The following NKIRAS1 variants were observed in gnomAD, a reference collection of about 807,000 sequenced individuals.
NKIRAS1 encodes the protein NF-kappa-B inhibitor-interacting Ras-like protein 1.
In NKIRAS1, 16 loss-of-function variants were observed where a neutral mutation model predicts 19.8. The observed-to-expected ratio is 0.81, with a 90% CI of 0.55 to 1.23. The LOEUF (loss-of-function observed/expected upper bound fraction) is 1.23. Ranked by LOEUF, NKIRAS1 falls within the 50% of genes most tolerant of loss-of-function variation. The pLI is 0.00. For missense variants in NKIRAS1, 184 were observed against 220.0 expected, an observed-to-expected ratio of 0.84 and a Z score of 1.04; for synonymous variants, 88 against 79.0, an observed-to-expected ratio of 1.11 and a Z score of -0.61.
At chr3:23,900,284 G>C (rs112732163) in intron 4 of NKIRAS1, among the ~76,000 whole-genome samples, 1 of 152,188 alleles carries the variant, frequency 6.6e-6, no homozygotes, top group South Asian at 2.1e-4. Flanking sequence ...GCAAAAGGCA[G>C]AAAGTCAAAT....
In NKIRAS1 at chr3:23,893,024, A is replaced by C; in HGVS notation, c.*71T>G. On this transcript the variant is annotated 3_prime_UTR_variant, in exon 5 of 5. Coordinates refer to ENST00000425478, the MANE Select transcript of NKIRAS1 (RefSeq NM_020345.4). ...TACAAATGGCCTATTTTAAATAGTA[A>C]TATTACTCCATGTTCACAGACACTT... 1 of 1,453,898 alleles carries C rather than the reference A, an allele frequency of 6.9e-7. No homozygotes were observed. The highest frequency in any genetic ancestry group is 9.1e-7 in the Non-Finnish European group (1 of 1,093,646). The allele number at this position is 1,453,898 out of a possible 1,614,324, so 90.1% of individuals were successfully genotyped here. A position where few individuals can be genotyped will look rare whatever the true frequency, so the allele number is the denominator to read the frequency against.
rs1705235912 is a variant in NKIRAS1, at chr3:23,927,846, A to T, written c.-139-16396T>A. ...GTAATCCTAGAAATTTGGGAGGCCA[A>T]AGTGGGAGGACTGCTTGAGCCCAGG... On this transcript the variant is annotated intron_variant, in intron 1 of 4. Transcript: ENST00000421515. This position sits in a 1 kb window ranked among gnomAD's most constrained non-coding sequence, Gnocchi z 4.0. Among the ~76,000 whole-genome samples, 2 of 152,162 alleles carry T rather than the reference A, an allele frequency of 1.3e-5. No homozygotes were observed. Among genetic ancestry groups the T allele is most frequent in the African/African-American group, 4.8e-5 (2 of 41,414 alleles).
Position 23,890,125 on chromosome 3 carries a change from C to T in NKIRAS1, c.*2970G>A, listed in dbSNP as rs910548178. On this transcript the variant is annotated 3_prime_UTR_variant, in exon 5 of 5. Transcript: ENST00000425478. ...TTCACAGTATTCACAATGCCGTTAACTGGTGACATTGAGCTAAGGGTCACA... is the reference window on the plus strand; with the variant it reads ...TTCACAGTATTCACAATGCCGTTAATTGGTGACATTGAGCTAAGGGTCACA... Among the ~76,000 whole-genome samples, 9 of 152,178 alleles carry T rather than the reference C, an allele frequency of 5.9e-5. No homozygotes were observed. The highest frequency in any genetic ancestry group is 2.0e-4 in the Admixed American group (3 of 15,280).
intron 1 of NKIRAS1, chr3:23,923,135 G>A (rs901413261): frequency 2.6e-5 from 4 of 151,832 alleles, no homozygotes; most frequent in African/African-American, 9.7e-5. Context: ...TCTTCCCCAA[G>A]TGGTAGGATA....
At chr3:23,946,146 C>T (rs1314929559) in intron 1 of NKIRAS1, 1 of 985,090 alleles carries the variant, frequency 1.0e-6, no homozygotes, top group Admixed American at 6.1e-5. Context: ...GGGTTGCACA[C>T]TGCGGAGGAG....
chr3:23,921,128 TAAA>T (rs147620648), upstream of NKIRAS1, among the ~76,000 whole-genome samples: 1 of 151,948 alleles, frequency 6.6e-6, no homozygotes, highest in Non-Finnish European at 1.5e-5. Flanking sequence ...TAGTGAGACC[TAAA>T]AACAAAAAAA....
At chr3:23,918,041 C>A, upstream of NKIRAS1, 2 of 1,603,466 alleles carry the variant, frequency 1.2e-6, no homozygotes, top group African/African-American at 1.3e-5. Flanking sequence ...GGTACGTGAT[C>A]GACTGCGTGG....
At chr3:23,918,386 T>G, upstream of NKIRAS1, 1 of 1,586,668 alleles carries the variant, frequency 6.3e-7, no homozygotes, top group Non-Finnish European at 8.6e-7. Flanking sequence ...CCATTGAGTC[T>G]TAAGCCTTAC....
chr3:23,937,598 T>G (rs556827665), intron 1 of NKIRAS1, among the ~76,000 whole-genome samples: 1 of 152,124 alleles, frequency 6.6e-6, no homozygotes, highest in East Asian at 1.9e-4. Flanking sequence ...TAGGATCTCT[T>G]TTTTTAACTG....
intron 3 of NKIRAS1, among the ~76,000 whole-genome samples, chr3:23,908,623 G>C (rs1703313887): frequency 5.3e-5 from 8 of 152,210 alleles, no homozygotes; most frequent in Admixed American, 4.6e-4. Flanking sequence ...AGGATATAAT[G>C]AGTTTATTAG....
upstream of NKIRAS1, chr3:23,919,500 A>G (rs914825838): frequency 5.1e-6 from 8 of 1,560,618 alleles, no homozygotes; most frequent in African/African-American, 8.2e-5. Flanking sequence ...CGTTACCGCT[A>G]ATATAAGTAA....
chr3:23,919,569 T>G, upstream of NKIRAS1: 1 of 1,437,318 alleles, frequency 7.0e-7, no homozygotes, highest in Non-Finnish European at 9.1e-7. Flanking sequence ...CTTACAGGTG[T>G]TATTTGTCTG....
intron 3 of NKIRAS1, among the ~76,000 whole-genome samples, chr3:23,905,861 A>G (rs1366109184): frequency 6.6e-6 from 1 of 152,028 alleles, no homozygotes; most frequent in Non-Finnish European, 1.5e-5. Flanking sequence ...GAAACAGGAA[A>G]TCAAAACCAG....
chr3:23,918,880 T>C (rs1367886118), upstream of NKIRAS1: 15 of 511,840 alleles, frequency 2.9e-5, no homozygotes, highest in Non-Finnish European at 4.1e-5. Context: ...TAAACGTTGC[T>C]GAGCTCTCAG....
In NKIRAS1 at chr3:23,931,869, G is replaced by T. The variant is rs143450459; in HGVS notation, c.-140+14454C>A. Among the ~76,000 whole-genome samples the T allele has an allele frequency of 8.4e-4, 128 of 152,262 alleles. 2 individuals carry two copies. The East Asian group carries it at 0.021, about 25-fold the overall frequency. On this transcript the variant is annotated intron_variant, in intron 1 of 4. Coordinates refer to the NKIRAS1 transcript ENST00000421515. ...TGGCTGTCAGCTCCTTGCCCCAAAGGCTGTCCCCTTTCTATGGGCACTGGG... is the reference window on the plus strand; with the variant it reads ...TGGCTGTCAGCTCCTTGCCCCAAAGTCTGTCCCCTTTCTATGGGCACTGGG...
Position 23,892,779 on chromosome 3 carries a change from T to C in NKIRAS1, c.*316A>G, listed in dbSNP as rs1422694576. 4 of 179,314 alleles carry C rather than the reference T, an allele frequency of 2.2e-5. No individual in the cohort carries two copies. The highest frequency in any genetic ancestry group is 3.5e-5 in the Non-Finnish European group (3 of 86,112). 11.1% of individuals were successfully genotyped at this position (179,314 alleles called of 1,614,324 possible). ...GAAACAGCTTGGGGTTGGGGGGAAG[T>C]TACACATAGGTGCATTTGCATAACT... On this transcript the variant is annotated 3_prime_UTR_variant, in exon 5 of 5. Transcript: ENST00000425478.
At chr3:23,916,093 A>T (rs1704363915) in intron 1 of NKIRAS1, 1 of 152,234 alleles carries the variant, frequency 6.6e-6, no homozygotes, top group African/African-American at 2.4e-5. Context: ...AGAGACTCTT[A>T]AAAACGTAAA....
At position 23,927,801 on chromosome 3, in the gene NKIRAS1, G is replaced by T. The variant is rs1417111261; in HGVS notation, c.-139-16351C>A. Among the ~76,000 whole-genome samples, 2 of 152,152 alleles carry T rather than the reference G, an allele frequency of 1.3e-5. No homozygotes were observed. The highest frequency in any genetic ancestry group is 2.9e-5 in the Non-Finnish European group (2 of 68,034). ...ATTCAAAAAATGATCATCCAAGGCTGGGCATGGTGGCTCATACCTGTAATC... is the reference window on the plus strand; with the variant it reads ...ATTCAAAAAATGATCATCCAAGGCTTGGCATGGTGGCTCATACCTGTAATC... On this transcript the variant is annotated intron_variant, in intron 1 of 4. Transcript: ENST00000421515. The surrounding 1 kb of genome is among the most constrained non-coding windows in gnomAD (Gnocchi z 4.0).
At chr3:23,931,276 A>T (rs1332721549) in intron 1 of NKIRAS1, among the ~76,000 whole-genome samples, 1 of 151,962 alleles carries the variant, frequency 6.6e-6, no homozygotes, top group Non-Finnish European at 1.5e-5. Flanking sequence ...TTCCTACTAC[A>T]TTTCTCTTTA....
Sources: allele counts gnomAD v4.1 joint callset (sites outside exome capture counted in the v4.1 genomes callset), GRCh38; gene constraint gnomAD v4.1.1; non-coding constraint Gnocchi (gnomAD v3.1); transcripts MANE v1.5; gene names NCBI Gene and HGNC (gene_info 2026-07-23, HGNC 2026-07-21).